DOCK4: variants seen among roughly 807,000 people sequenced by gnomAD.
DOCK4 encodes dedicator of cytokinesis 4, also known as dedicator of cytokinesis protein 4.
A neutral mutation model predicts 268.1 loss-of-function variants in DOCK4; 97 were observed. The observed-to-expected ratio is 0.36, with a 90% CI of 0.31 to 0.43. DOCK4 has a LOEUF of 0.43. Ranked by LOEUF, DOCK4 falls within the 20% of genes least tolerant of loss-of-function variation. DOCK4 has a pLI of 1.00. For synonymous variants in DOCK4, 954 were observed against 887.2 expected (o/e 1.08, Z -1.34); for missense variants, 2,145 against 2,455.7 (o/e 0.87, Z 2.67).
chr7:111,934,772 C>G (rs954279997), intron 12 of DOCK4, among the ~76,000 whole-genome samples: 1 of 150,254 alleles, frequency 6.7e-6, no homozygotes, highest in Non-Finnish European at 1.5e-5. Flanking sequence ...ATCTCCTGAC[C>G]TCGTGATCCG....
At chr7:111,819,257 A>T (rs1160800543) in intron 27 of DOCK4, 1 of 152,162 alleles carries the variant, frequency 6.6e-6, no homozygotes, top group African/African-American at 2.4e-5. Flanking sequence ...TAAAGCTGTG[A>T]CTTTATTTTT....
chr7:112,074,903 TC>T (rs1457155278), intron 1 of DOCK4, among the ~76,000 whole-genome samples: 1 of 152,194 alleles, frequency 6.6e-6, no homozygotes, highest in Non-Finnish European at 1.5e-5. Context: ...ACAGGGCTCC[TC>T]CTCTAAGTTT....
chr7:112,197,572 G>A (rs1426102299), intron 1 of DOCK4, among the ~76,000 whole-genome samples: 5 of 152,178 alleles, frequency 3.3e-5, no homozygotes, highest in African/African-American at 9.7e-5. Context: ...AGCAAGAAAA[G>A]ACTGTAAAAT....
chr7:112,173,078 T>C (rs1409620641), intron 1 of DOCK4, among the ~76,000 whole-genome samples: 1 of 152,212 alleles, frequency 6.6e-6, no homozygotes, highest in Non-Finnish European at 1.5e-5. Flanking sequence ...ACATCTGGCA[T>C]GTCAACAGCT....
At chr7:111,949,571 G>A (rs1671616023) in intron 8 of DOCK4, among the ~76,000 whole-genome samples, 2 of 151,578 alleles carry the variant, frequency 1.3e-5, no homozygotes, top group African/African-American at 4.8e-5. Context: ...CAAACAGACT[G>A]AAAATGGGTA....
chr7:112,174,111 C>G (rs1818308836), intron 1 of DOCK4, among the ~76,000 whole-genome samples: 2 of 151,974 alleles, frequency 1.3e-5, no homozygotes, highest in Non-Finnish European at 2.9e-5. Context: ...AGGTATGAAC[C>G]ATTCCATCTG....
intron 1 of DOCK4, among the ~76,000 whole-genome samples, chr7:112,187,659 A>T (rs73440642): frequency 0.034 from 5,140 of 152,246 alleles, 291 homozygotes; most frequent in African/African-American, 0.12. Flanking sequence ...TAAGAATGTC[A>T]TGCCATGATG....
At chr7:111,871,003 A>G (rs1432813712) in intron 20 of DOCK4, among the ~76,000 whole-genome samples, 2 of 152,234 alleles carry the variant, frequency 1.3e-5, no homozygotes, top group Non-Finnish European at 2.9e-5. Context: ...AAGTCTAACA[A>G]AAATACCTTC....
At chr7:111,880,495 G>A (rs1807288183) in intron 16 of DOCK4, among the ~76,000 whole-genome samples, 1 of 152,182 alleles carries the variant, frequency 6.6e-6, no homozygotes. Context: ...TAATGAGGAA[G>A]AAGAAATCAT....
chr7:111,960,387 A>G (rs1941157305), intron 8 of DOCK4, among the ~76,000 whole-genome samples: 1 of 150,868 alleles, frequency 6.6e-6, no homozygotes, highest in Non-Finnish European at 1.5e-5. Context: ...AGAAAAGAAA[A>G]AAGAATTTAT....
intron 1 of DOCK4, among the ~76,000 whole-genome samples, chr7:112,024,852 T>C (rs1802634162): frequency 6.6e-6 from 1 of 152,220 alleles, no homozygotes; most frequent in Admixed American, 6.5e-5. Context: ...CTGTTCTTGG[T>C]TGTGCATAAT....
intron 51 of DOCK4, 54 bp from the exon 52 acceptor site, chr7:111,732,341 T>C (rs965022339): frequency 1.9e-6 from 3 of 1,567,068 alleles, no homozygotes; most frequent in Non-Finnish European, 2.6e-6. Flanking sequence ...GACGATTGAC[T>C]ATCTGCACAT....
rs116675668 is a variant in DOCK4 at position 112,196,556 on chromosome 7, G to A, written c.37+9546C>T. ...CTCTCAACAGAATTAAAAAGATGGG[G>A]TGAAAAGAGAAGGATTACAGATGCT... On this transcript the variant is annotated intron_variant, in intron 1 of 52. Transcript: ENST00000428084. Among the ~76,000 whole-genome samples, 1,404 of 152,216 alleles carry A rather than the reference G, an allele frequency of 9.2e-3. 19 individuals are homozygous for A. Among genetic ancestry groups the A allele is most frequent in the African/African-American group, 0.032 (1,324 of 41,530 alleles).
intron 23 of DOCK4, among the ~76,000 whole-genome samples, chr7:111,858,137 T>C (rs1805163455): frequency 6.6e-6 from 1 of 152,210 alleles, no homozygotes; most frequent in African/African-American, 2.4e-5. Context: ...TAATGCAACC[T>C]GGCTTGAATC....
At chr7:111,964,037 T>C (rs1246759859) in intron 8 of DOCK4, among the ~76,000 whole-genome samples, 21 of 133,162 alleles carry the variant, frequency 1.6e-4, no homozygotes, top group Middle Eastern at 3.5e-3. Flanking sequence ...AAAGGACATC[T>C]ACACCGAAAA....
At chr7:111,939,702 C>T (rs957896634) in intron 11 of DOCK4, among the ~76,000 whole-genome samples, 10 of 152,024 alleles carry the variant, frequency 6.6e-5, no homozygotes, top group African/African-American at 1.9e-4. Flanking sequence ...TTAGGGCAGG[C>T]CCAGCAAACT....
chr7:112,013,540 T>C (rs1340446767), intron 1 of DOCK4, among the ~76,000 whole-genome samples: 2 of 152,168 alleles, frequency 1.3e-5, no homozygotes, highest in Non-Finnish European at 2.9e-5. Context: ...CACTCAACAG[T>C]CCCACTGAAC....
intron 27 of DOCK4, 91 bp downstream of exon 27, chr7:111,822,271 G>T: frequency 1.8e-6 from 2 of 1,099,794 alleles, no homozygotes; most frequent in South Asian, 1.6e-5. Flanking sequence ...AAAAAAAACT[G>T]CAAACTTGAG....
At chr7:112,197,483 C>CA (rs1258925621) in intron 1 of DOCK4, among the ~76,000 whole-genome samples, 1 of 152,138 alleles carries the variant, frequency 6.6e-6, no homozygotes, top group African/African-American at 2.4e-5. Context: ...CACAATCTGG[C>CA]ATGAAATATT....
Sources: gnomAD v4.1 joint callset for allele counts (sites outside exome capture counted in the v4.1 genomes callset) on GRCh38, gnomAD v4.1.1 for gene constraint, MANE v1.5 for transcripts, NCBI Gene and HGNC (gene_info 2026-07-23, HGNC 2026-07-21) for gene names.